CTPS2: variants seen among roughly 807,000 people sequenced by gnomAD.
CTPS2 encodes the protein CTP synthase II.
A neutral mutation model predicts 46.8 loss-of-function variants in CTPS2; 19 were observed. The ratio of observed to expected loss-of-function variants is 0.41; its 90% CI spans 0.28 to 0.60. The LOEUF is 0.60. CTPS2 is among the 20% of genes least tolerant of loss of function. The pLI, the probability that CTPS2 is intolerant of heterozygous loss-of-function variation, is 0.35. For synonymous variants in CTPS2, 151 were observed against 165.2 expected, an observed-to-expected ratio of 0.91 and a Z score of 0.66; for missense variants, 286 against 447.6, an observed-to-expected ratio of 0.64 and a Z score of 3.26.
At chrX:16,596,656 G>A (rs754637661) in intron 17 of CTPS2, among the ~76,000 whole-genome samples, 20 of 109,274 alleles carry the variant, frequency 1.8e-4, no homozygotes, top group African/African-American at 5.7e-4. Context: ...ATAAACATAC[G>A]TGTGCATGTG....
intron 17 of CTPS2, among the ~76,000 whole-genome samples, chrX:16,605,536 A>G (rs763134200): frequency 8.9e-6 from 1 of 111,869 alleles, no homozygotes; most frequent in South Asian, 3.8e-4. Context: ...AGCTTGGCCA[A>G]CATGGTGAAA....
intron 4 of CTPS2, among the ~76,000 whole-genome samples, chrX:16,697,737 G>A (rs953016301): frequency 1.8e-5 from 2 of 111,252 alleles, no homozygotes; most frequent in African/African-American, 3.3e-5. Flanking sequence ...GCCACCTCGC[G>A]CAGCCACTAG....
intron 16 of CTPS2, among the ~76,000 whole-genome samples, chrX:16,616,706 T>C (rs2031590648): frequency 9.0e-6 from 1 of 111,644 alleles, no homozygotes; most frequent in African/African-American, 3.3e-5. Flanking sequence ...AAGCAGTCTG[T>C]TTTTCTGAGA....
At chrX:16,663,234 C>T (rs1933018739) in intron 13 of CTPS2, among the ~76,000 whole-genome samples, 1 of 111,594 alleles carries the variant, frequency 9.0e-6, no homozygotes, top group Non-Finnish European at 1.9e-5. Context: ...TGCAGCTCAA[C>T]CCCTGGGGCT....
At position 16,691,584 on chromosome X, in the gene CTPS2, C is replaced by T; in HGVS notation, c.676G>A (p.Val226Met). 3.3e-6 allele frequency: 4 copies of T among 1,211,126 alleles called. No homozygotes were observed. The highest frequency in any genetic ancestry group is 4.5e-6 in the Non-Finnish European group (4 of 894,793). Residue 226 changes from valine (V) to methionine (M), a missense_variant, in exon 7 of 19, where the codon GTG (valine) becomes ATG (methionine). Coordinates refer to ENST00000359276, the MANE Select transcript of CTPS2 (RefSeq NM_175859.3). Reference protein sequence around the residue: ...CRSSTPIEMAVKEKISMFCHV... With the variant: ...CRSSTPIEMAMKEKISMFCHV... The stretch of plus-strand genomic sequence containing the variant: ...CAAAACATAGAAATCTTCTCCTTCA[C>T]GGCCATCTCAATGGGCGTTGAACTT...
At chrX:16,649,387 A>G (rs1314459900) in intron 13 of CTPS2, among the ~76,000 whole-genome samples, 1 of 112,717 alleles carries the variant, frequency 8.9e-6, no homozygotes, top group East Asian at 2.7e-4. Context: ...CCATTCATTC[A>G]TTCATGTATT....
chrX:16,706,293 G>A (rs1377108897), intron 1 of CTPS2, among the ~76,000 whole-genome samples: 1 of 108,691 alleles, frequency 9.2e-6, no homozygotes, highest in Non-Finnish European at 1.9e-5. Flanking sequence ...TGTGGTGGCA[G>A]GCACCTGTAA....
chrX:16,702,644 A>G, intron 2 of CTPS2, 93 bp downstream of exon 2: 1 of 832,169 alleles, frequency 1.2e-6, no homozygotes, highest in African/African-American at 2.0e-5. Context: ...GTCACTCTAA[A>G]TCTGGAACTA....
At chrX:16,597,953 G>A (rs1485728091) in intron 17 of CTPS2, among the ~76,000 whole-genome samples, 10 of 107,751 alleles carry the variant, frequency 9.3e-5, no homozygotes, top group Non-Finnish European at 3.8e-5. Context: ...TCTCTTTGAA[G>A]CAATTGTGAA....
chrX:16,663,292 C>T (rs752046845), intron 13 of CTPS2, among the ~76,000 whole-genome samples: 4 of 111,011 alleles, frequency 3.6e-5, no homozygotes, highest in Non-Finnish European at 5.7e-5. Flanking sequence ...ACTATAGGTG[C>T]ATGCCACCAT....
intron 8 of CTPS2, among the ~76,000 whole-genome samples, chrX:16,684,001 ACTCG>A (rs766421054): frequency 6.3e-5 from 7 of 111,556 alleles, no homozygotes; most frequent in African/African-American, 1.3e-4. Context: ...TACAGAAGAC[ACTCG>A]ATCACATTTT....
At chrX:16,683,937 C>T (rs1922939696) in intron 8 of CTPS2, among the ~76,000 whole-genome samples, 1 of 111,512 alleles carries the variant, frequency 9.0e-6, no homozygotes, top group Admixed American at 9.6e-5. Context: ...GCTGAGAGAA[C>T]GATTTAAAAT....
intron 9 of CTPS2, among the ~76,000 whole-genome samples, chrX:16,679,163 G>A (rs1317797075): frequency 1.8e-5 from 2 of 110,607 alleles, no homozygotes; most frequent in Non-Finnish European, 3.8e-5. Flanking sequence ...TTCAAGACCA[G>A]CCTGGCCAAC....
At chrX:16,689,115 A>C (rs948955757) in intron 8 of CTPS2, among the ~76,000 whole-genome samples, 1 of 111,348 alleles carries the variant, frequency 9.0e-6, no homozygotes, top group African/African-American at 3.3e-5. Context: ...AAAGAAAACA[A>C]ACAAAAAAAA....
intron 14 of CTPS2, among the ~76,000 whole-genome samples, chrX:16,621,140 C>G (rs1172598264): frequency 1.8e-5 from 2 of 110,108 alleles, no homozygotes; most frequent in African/African-American, 6.6e-5. Context: ...AGCTGAGGCA[C>G]TGCAGCTAAG....
At chrX:16,680,377 G>GA (rs1396704541) in intron 9 of CTPS2, among the ~76,000 whole-genome samples, 3 of 108,933 alleles carry the variant, frequency 2.8e-5, no homozygotes, top group Non-Finnish European at 5.7e-5. Context: ...TGGCCAACAT[G>GA]ACAAAACCCT....
At chrX:16,610,538 C>CA (rs1341381029) in intron 16 of CTPS2, among the ~76,000 whole-genome samples, 4 of 111,312 alleles carry the variant, frequency 3.6e-5, no homozygotes, top group African/African-American at 1.3e-4. Context: ...TTAAAAAAGT[C>CA]AAAAAACAGC....
intron 14 of CTPS2, among the ~76,000 whole-genome samples, chrX:16,638,180 AG>A (rs1931858625): frequency 9.3e-6 from 1 of 107,737 alleles, no homozygotes; most frequent in Non-Finnish European, 1.9e-5. Context: ...ACGTCAACCC[AG>A]GAGGCGGAGC....
At chrX:16,668,410 TAA>T (rs1181822517) in intron 11 of CTPS2, among the ~76,000 whole-genome samples, 3 of 86,228 alleles carry the variant, frequency 3.5e-5, no homozygotes, top group East Asian at 7.1e-4. Context: ...CCATCTCTAC[TAA>T]AAAAAAAAAA....
Sources: gnomAD v4.1 joint callset for allele counts (sites outside exome capture counted in the v4.1 genomes callset) on GRCh38, gnomAD v4.1.1 for gene constraint, MANE v1.5 for transcripts, NCBI Gene and HGNC (gene_info 2026-07-23, HGNC 2026-07-21) for gene names.